Variants in CPLANE1 observed in about 807,000 individuals in gnomAD.
The protein encoded by CPLANE1 is ciliogenesis and planar polarity effector complex subunit 1.
In CPLANE1, 263 loss-of-function variants were observed where a neutral mutation model predicts 362.5. That is an observed-to-expected ratio of 0.73 (90% CI 0.66 to 0.80). The LOEUF is 0.80. CPLANE1 is among the 30% of genes least tolerant of loss of function. CPLANE1 has a pLI of 0.00. For synonymous variants in CPLANE1, 1,212 were observed against 1,302.6 expected, an observed-to-expected ratio of 0.93 and a Z score of 1.50; for missense variants, 3,461 against 3,793.4, an observed-to-expected ratio of 0.91 and a Z score of 2.30.
In CPLANE1 at chr5:37,106,659, T is replaced by C. The variant is rs1476069133; in HGVS notation, c.*943A>G. 4 of 335,912 alleles carry C rather than the reference T, an allele frequency of 1.2e-5. No individual in the cohort carries two copies. Among genetic ancestry groups the C allele is most frequent in the Non-Finnish European group, 1.7e-5 (4 of 236,514 alleles). The allele number at this position is 335,912 out of a possible 1,614,324, so 20.8% of individuals were successfully genotyped here. A position where few individuals can be genotyped will look rare whatever the true frequency, so the allele number is the denominator to read the frequency against. On this transcript the variant is annotated 3_prime_UTR_variant, in exon 53 of 53. Transcript: ENST00000651892. ...CAAATCTCTTTAATGTTTAGCTTGA[T>C]AGAAGGCAGCTGAATTACCATACCT...
At chr5:37,077,051 A>G in the CPLANE1 span, among the ~76,000 whole-genome samples, 1 of 151,912 alleles carries the variant, frequency 6.6e-6, no homozygotes, top group Non-Finnish European at 1.5e-5. Context: ...AAATGAATAG[A>G]CAGGATGCAT....
At chr5:37,210,445 AC>A in intron 16 of CPLANE1, 1 of 1,041,756 alleles carries the variant, frequency 9.6e-7, no homozygotes, top group Non-Finnish European at 1.5e-6. Context: ...AAGGACGACT[AC>A]ATCATTAGAA....
At position 37,157,682 on chromosome 5, in the gene CPLANE1, AATTATGTGGGGG is replaced by A; in HGVS notation, c.7987_7998del (p.Pro2663_Asn2666del). The A allele has an allele frequency of 6.2e-7, 1 of 1,612,980 alleles. No individual in the cohort carries two copies. Among genetic ancestry groups the A allele is most frequent in the Admixed American group, 1.7e-5 (1 of 59,872 alleles). Reference sequence around the variant, plus strand: ...AGGAAAAAATTACCTTGACTCTTAAAATTATGTGGGGGAACAGCATTAGTAACTGAAGCTGCC... The same window carrying A: ...AGGAAAAAATTACCTTGACTCTTAAAAACAGCATTAGTAACTGAAGCTGCC... On this transcript the variant is annotated inframe_deletion, in exon 40 of 53. Transcript: ENST00000651892.
intron 9 of CPLANE1, among the ~76,000 whole-genome samples, chr5:37,229,945 G>T (rs1202822977): frequency 6.6e-6 from 1 of 152,104 alleles, no homozygotes; most frequent in Non-Finnish European, 1.5e-5. Context: ...GGGAGGCCAA[G>T]GCGGGTGGAT....
the CPLANE1 span, among the ~76,000 whole-genome samples, chr5:37,081,240 G>GC: frequency 6.6e-6 from 1 of 152,132 alleles, no homozygotes; most frequent in Non-Finnish European, 1.5e-5. Context: ...ACCTTGAGAT[G>GC]CCCCAAAGAC....
chr5:37,210,293 T>G, intron 16 of CPLANE1: 2 of 1,557,726 alleles, frequency 1.3e-6, no homozygotes, highest in Non-Finnish European at 1.8e-6. Flanking sequence ...TTGAAGCTTT[T>G]GAACTGAACC....
At chr5:37,191,721 G>A (rs1021666355) in intron 21 of CPLANE1, among the ~76,000 whole-genome samples, 15 of 152,104 alleles carry the variant, frequency 9.9e-5, no homozygotes, top group African/African-American at 2.7e-4. Flanking sequence ...TGTAGTCCCA[G>A]TACTCAAGGG....
the CPLANE1 span, among the ~76,000 whole-genome samples, chr5:37,093,008 A>G: frequency 6.6e-6 from 1 of 152,174 alleles, no homozygotes; most frequent in Non-Finnish European, 1.5e-5. Flanking sequence ...AATCTGAGGC[A>G]TTCCTACCAG....
chr5:37,197,397 T>TAG (rs1421566196), intron 20 of CPLANE1, among the ~76,000 whole-genome samples: 3 of 150,844 alleles, frequency 2.0e-5, no homozygotes, highest in Non-Finnish European at 4.4e-5. Flanking sequence ...TACTAAGAGG[T>TAG]AGAGAGAGAG....
At chr5:37,141,016 A>C in intron 44 of CPLANE1, 1 of 985,412 alleles carries the variant, frequency 1.0e-6, no homozygotes, top group Non-Finnish European at 1.2e-6. Flanking sequence ...CTCTGGCAAC[A>C]CTAAACAACC....
At chr5:37,196,178 C>CAAAA (rs11433764) in intron 20 of CPLANE1, among the ~76,000 whole-genome samples, 182 bp from the exon 21 acceptor site, 2 of 146,744 alleles carry the variant, frequency 1.4e-5, no homozygotes, top group African/African-American at 2.5e-5. Context: ...CTTGTTATCT[C>CAAAA]AAAAAAAAAA....
intron 43 of CPLANE1, among the ~76,000 whole-genome samples, chr5:37,143,738 A>G (rs1770512821): frequency 6.6e-6 from 1 of 151,844 alleles, no homozygotes. Context: ...GTTCGAGAAC[A>G]GCCTGACCAA....
chr5:37,203,809 C>T (rs972893453), intron 18 of CPLANE1, among the ~76,000 whole-genome samples: 8 of 152,106 alleles, frequency 5.3e-5, no homozygotes, highest in South Asian at 2.1e-4. Context: ...TGAGCCACTG[C>T]GCCTGGCTTC....
intron 25 of CPLANE1, 140 bp downstream of exon 25, chr5:37,184,648 G>A (rs573042410): frequency 6.3e-5 from 40 of 633,228 alleles, no homozygotes; most frequent in South Asian, 4.9e-4. Context: ...TCTTATGAGT[G>A]GAGGGGGTGG....
chr5:37,139,313 T>C (rs1187568206), intron 45 of CPLANE1, 27 bp downstream of exon 45: 4 of 1,376,828 alleles, frequency 2.9e-6, no homozygotes, highest in Middle Eastern at 1.8e-4. Context: ...TTAAAGAAAA[T>C]TGTGAATTAA....
intron 47 of CPLANE1, among the ~76,000 whole-genome samples, chr5:37,123,327 A>ACTCAGG (rs1258392711): frequency 1.3e-5 from 2 of 152,176 alleles, no homozygotes; most frequent in Admixed American, 1.3e-4. Flanking sequence ...CTCAGAAGTA[A>ACTCAGG]ATTCACTTTT....
At position 37,147,971 on chromosome 5, in the gene CPLANE1, C is replaced by CAAAAAAAAAA. The variant is rs11284644; in HGVS notation, c.8461+200_8461+209dup. ...AATCCAGAGGAGGTTACTGCCTTCT[C>CAAAAAAAAAA]AAAAAAAAAAAAAAAAAAAAAAAAA... is the stretch of plus-strand genomic sequence containing the variant. On this transcript the variant is annotated intron_variant, in intron 43 of 52. Transcript: ENST00000651892. 9.8e-4 allele frequency among the ~76,000 whole-genome samples: 15 copies of CAAAAAAAAAA among 15,312 alleles called. 1 individual carries two copies. The highest frequency in any genetic ancestry group is 2.0e-3 in the Admixed American group (2 of 1,018). The allele number at this position is 15,312 out of a possible 152,430, so 10.0% of individuals were successfully genotyped here.
intron 50 of CPLANE1, among the ~76,000 whole-genome samples, chr5:37,117,538 T>C (rs190391802): frequency 1.6e-3 from 249 of 152,186 alleles, no homozygotes; most frequent in Non-Finnish European, 2.5e-3. Context: ...AGAATTACAA[T>C]TAGGAATGTC....
chr5:37,165,493 A>T, intron 36 of CPLANE1, 46 bp downstream of exon 36: 1 of 1,587,906 alleles, frequency 6.3e-7, no homozygotes, highest in African/African-American at 1.4e-5. Flanking sequence ...TACCAAACTC[A>T]GTGTACATGC....
Sources: allele counts gnomAD v4.1 joint callset (sites outside exome capture counted in the v4.1 genomes callset), GRCh38; gene constraint gnomAD v4.1.1; transcripts MANE v1.5; gene names NCBI Gene and HGNC (gene_info 2026-07-23, HGNC 2026-07-21).